MPV17L: variants seen among roughly 807,000 people sequenced by gnomAD.
MPV17L encodes the protein MPV17 mitochondrial inner membrane protein like, also known as mpv17-like protein.
MPV17L carries 24 observed loss-of-function variants against 25.8 expected under a neutral mutation model. The observed-to-expected ratio is 0.93, with a 90% CI of 0.67 to 1.31. MPV17L has a LOEUF of 1.31. Among genes scored for constraint, MPV17L ranks in the 50% most tolerant of loss-of-function variants. The pLI, the probability that MPV17L is intolerant of heterozygous loss-of-function variation, is 0.00. For missense variants in MPV17L, 250 were observed against 265.6 expected, an observed-to-expected ratio of 0.94 and a Z score of 0.41; for synonymous variants, 102 against 115.3, an observed-to-expected ratio of 0.88 and a Z score of 0.74.
At chr16:15,407,764 TAAATAAA>T (rs1282163758) in intron 2 of MPV17L, 53 bp from the exon 3 acceptor site, 28 of 1,483,552 alleles carry the variant, frequency 1.9e-5, no homozygotes, top group Non-Finnish European at 2.5e-5. Context: ...ACAAAATAAA[TAAATAAA>T]AAATAAAAGG....
chr16:15,412,546 CT>C lies in MPV17L; in HGVS notation c.*4435del, dbSNP rs1445786344. 2 of 151,012 alleles carry C rather than the reference CT, an allele frequency of 1.3e-5. No homozygotes were observed. The highest frequency in any genetic ancestry group is 2.9e-5 in the Non-Finnish European group (2 of 67,906). The allele number at this position is 151,012 out of a possible 1,614,324, so 9.4% of individuals were successfully genotyped here. The stretch of plus-strand genomic sequence containing the variant: ...ATTGACCAAGTTAAGTGTAGACAGT[CT>C]CTTTAATAGAGAGATTATCTGGAAC... On this transcript the variant is annotated 3_prime_UTR_variant, in exon 4 of 4. Transcript: ENST00000396385.
At chr16:15,402,730 T>C (rs2050648688) in intron 2 of MPV17L, among the ~76,000 whole-genome samples, 2 of 152,218 alleles carry the variant, frequency 1.3e-5, no homozygotes, top group Admixed American at 1.3e-4. Flanking sequence ...TAGCCTAGGC[T>C]GGAGTGCAGT....
At chr16:15,399,325 A>G (rs1056597362) in intron 1 of MPV17L, 7 of 436,670 alleles carry the variant, frequency 1.6e-5, no homozygotes, top group African/African-American at 1.4e-4. Context: ...GGGATTGGAA[A>G]GAATTTTTAA....
chr16:15,407,095 AAAG>A (rs892555590), intron 2 of MPV17L, among the ~76,000 whole-genome samples: 42 of 152,240 alleles, frequency 2.8e-4, no homozygotes, highest in African/African-American at 9.6e-4. Flanking sequence ...ATTTAAAAAA[AAAG>A]AATTCATTGA....
intron 2 of MPV17L, among the ~76,000 whole-genome samples, chr16:15,406,727 A>T (rs1291607706): frequency 3.3e-5 from 5 of 152,082 alleles, no homozygotes; most frequent in Admixed American, 3.3e-4. Flanking sequence ...GGAGTTCAAG[A>T]CCAGCCTGGC....
At chr16:15,407,712 A>G (rs2050693826) in intron 2 of MPV17L, 112 bp from the exon 3 acceptor site, 1 of 1,021,728 alleles carries the variant, frequency 9.8e-7, no homozygotes. Context: ...ACTGCACTCC[A>G]GTCTGGGCAA....
At chr16:15,405,035 TTCTC>T (rs2050669079) in intron 2 of MPV17L, among the ~76,000 whole-genome samples, 1 of 152,042 alleles carries the variant, frequency 6.6e-6, no homozygotes, top group Admixed American at 6.6e-5. Flanking sequence ...CCCATCTTCT[TTCTC>T]CTTTACTTCT....
intron 2 of MPV17L, among the ~76,000 whole-genome samples, chr16:15,406,140 A>G (rs12927590): frequency 0.056 from 8,577 of 151,988 alleles, 320 homozygotes; most frequent in Non-Finnish European, 0.088. Flanking sequence ...GTGAGCCAAG[A>G]TCGCACCATT....
intron 1 of MPV17L, among the ~76,000 whole-genome samples, chr16:15,397,220 T>G (rs991600006): frequency 6.6e-6 from 1 of 152,074 alleles, no homozygotes; most frequent in Non-Finnish European, 1.5e-5. Flanking sequence ...GGGGTCCCAG[T>G]GAGTCATGAT....
At chr16:15,400,730 A>T in intron 1 of MPV17L, 57 bp from the exon 2 acceptor site, 1 of 1,180,058 alleles carries the variant, frequency 8.5e-7, no homozygotes, top group Non-Finnish European at 1.2e-6. Context: ...TTAAACATGA[A>T]CTGTTATACG....
chr16:15,398,066 A>G (rs1273841390), intron 1 of MPV17L, among the ~76,000 whole-genome samples: 1 of 151,846 alleles, frequency 6.6e-6, no homozygotes, highest in East Asian at 1.9e-4. Context: ...TTTTTGAGAC[A>G]GAGTCTCGCT....
In MPV17L at chr16:15,408,224, A is replaced by G. The variant is rs1444311981; in HGVS notation, c.*112A>G. On this transcript the variant is annotated 3_prime_UTR_variant, in exon 4 of 4. Coordinates refer to ENST00000396385, the MANE Select transcript of MPV17L (RefSeq NM_001128423.2). Reference sequence around the variant, plus strand: ...ATGCACTTCATTTTGAGGAATTACTACTATTTATAGACCCACTTTTTAAAA... The same window carrying G: ...ATGCACTTCATTTTGAGGAATTACTGCTATTTATAGACCCACTTTTTAAAA... 9.1e-6 allele frequency: 7 copies of G among 772,226 alleles called. No homozygotes were observed. Among genetic ancestry groups the G allele is most frequent in the African/African-American group, 1.8e-5 (1 of 56,844 alleles). 47.8% of individuals were successfully genotyped at this position (772,226 alleles called of 1,614,324 possible).
At chr16:15,398,079 A>G (rs1253166879) in intron 1 of MPV17L, among the ~76,000 whole-genome samples, 2 of 151,562 alleles carry the variant, frequency 1.3e-5, no homozygotes, top group African/African-American at 4.9e-5. Context: ...GTCTCGCTTT[A>G]TTGCCCAGCC....
rs200564808 is a variant in MPV17L at position 15,400,850 on chromosome 16, C to G, written c.374C>G (p.Thr125Ser). Residue 125 changes from threonine (T) to serine (S), a missense_variant, in exon 2 of 4, where the codon ACC (threonine) becomes AGC (serine). Physicochemically the swap from Thr to Ser is moderately conservative, Grantham distance 58. Transcript: ENST00000396385. Reference protein sequence around the residue: ...FLDLKQKFWNTYLSGLMYWPF... With the variant: ...FLDLKQKFWNSYLSGLMYWPF... ...GACCTGAAACAGAAATTCTGGAATA[C>G]CTATCTGGTAAGATAGGCGTTTGAA... The G allele has an allele frequency of 7.1e-5, 113 of 1,601,296 alleles. No individual in the cohort carries two copies. The African/African-American group carries it at 1.3e-3, about 18-fold the overall frequency.
At position 15,400,777 on chromosome 16, in the gene MPV17L, T is replaced by C; in HGVS notation, c.311-10T>C. 1 of 1,587,066 alleles carries C rather than the reference T, an allele frequency of 6.3e-7. No homozygotes were observed. The highest frequency in any genetic ancestry group is 8.5e-7 in the Non-Finnish European group (1 of 1,170,066). On this transcript the variant is annotated splice_polypyrimidine_tract_variant and intron_variant, in intron 1 of 3. Transcript: ENST00000396385. ...AATCTTTTAAAATTTTTTTTGGGTT[T>C]TGCAAATAGGTATGAGCATTCTCCA...
intron 1 of MPV17L, among the ~76,000 whole-genome samples, chr16:15,399,096 T>C (rs1567430106): frequency 1.5e-5 from 2 of 136,024 alleles, no homozygotes; most frequent in African/African-American, 2.5e-5. Context: ...TGGGTTGAAC[T>C]CTGTCCGCTA....
chr16:15,407,297 TC>T (rs2050688967), intron 2 of MPV17L, among the ~76,000 whole-genome samples: 1 of 152,090 alleles, frequency 6.6e-6, no homozygotes, highest in Non-Finnish European at 1.5e-5. Flanking sequence ...ATAGCTTTTT[TC>T]CCCACAACTC....
chr16:15,404,249 G>C (rs1054577274), intron 2 of MPV17L, among the ~76,000 whole-genome samples: 2 of 152,202 alleles, frequency 1.3e-5, no homozygotes, highest in African/African-American at 4.8e-5. Context: ...CAGGCAGTTT[G>C]GTGTTCACAG....
chr16:15,403,334 A>G (rs1457063857), intron 2 of MPV17L, among the ~76,000 whole-genome samples: 2 of 140,722 alleles, frequency 1.4e-5, no homozygotes, highest in African/African-American at 2.7e-5. Flanking sequence ...GCGCCACTGC[A>G]CTCCAGCCTG....
Sources: gnomAD v4.1 joint callset for allele counts (sites outside exome capture counted in the v4.1 genomes callset) on GRCh38, gnomAD v4.1.1 for gene constraint, MANE v1.5 for transcripts, NCBI Gene and HGNC (gene_info 2026-07-23, HGNC 2026-07-21) for gene names.